RNGTT: variants seen among roughly 807,000 people sequenced by gnomAD.
RNGTT encodes the protein mRNA-capping enzyme.
In RNGTT, 33 loss-of-function variants were observed where a neutral mutation model predicts 79.3. That is an observed-to-expected ratio of 0.42 (90% CI 0.32 to 0.56). The LOEUF is 0.56. Among genes scored for constraint, RNGTT ranks in the 20% least tolerant of loss-of-function variants. RNGTT has a pLI of 0.17. For missense variants in RNGTT, 497 were observed against 739.1 expected (o/e 0.67, Z 3.80); for synonymous variants, 222 against 235.9 (o/e 0.94, Z 0.54).
At chr6:88,762,465 G>C (rs1778301013) in intron 13 of RNGTT, among the ~76,000 whole-genome samples, 1 of 152,198 alleles carries the variant, frequency 6.6e-6, no homozygotes, top group African/African-American at 2.4e-5. Context: ...TGCCATTTCA[G>C]ATGTGCTGTC....
intron 13 of RNGTT, among the ~76,000 whole-genome samples, chr6:88,747,333 C>A (rs932572710): frequency 6.6e-6 from 1 of 152,120 alleles, no homozygotes; most frequent in African/African-American, 2.4e-5. Context: ...ACCACTCATC[C>A]CACATTCTTC....
At chr6:88,699,140 T>C (rs1428081962) in intron 13 of RNGTT, among the ~76,000 whole-genome samples, 1 of 152,190 alleles carries the variant, frequency 6.6e-6, no homozygotes, top group Non-Finnish European at 1.5e-5. Flanking sequence ...ATGATGAACT[T>C]CTGAAGCAGT....
At chr6:88,809,211 C>T (rs920382989) in intron 11 of RNGTT, among the ~76,000 whole-genome samples, 5 of 151,904 alleles carry the variant, frequency 3.3e-5, no homozygotes, top group African/African-American at 1.2e-4. Context: ...TAAATGTATA[C>T]ACACCTTAAA....
chr6:88,622,517 A>T (rs543548214), intron 14 of RNGTT, among the ~76,000 whole-genome samples: 1 of 152,254 alleles, frequency 6.6e-6, no homozygotes, highest in African/African-American at 2.4e-5. Context: ...GCATTGTCTT[A>T]CACATTTAAA....
chr6:88,630,391 G>C (rs2756375), intron 14 of RNGTT, among the ~76,000 whole-genome samples: 8,995 of 152,194 alleles, frequency 0.059, 932 homozygotes, highest in African/African-American at 0.21. Context: ...GAATATTCCA[G>C]GGACCACAGT....
intron 10 of RNGTT, among the ~76,000 whole-genome samples, chr6:88,848,613 A>G (rs1272359749): frequency 7.0e-6 from 1 of 142,470 alleles, no homozygotes; most frequent in Non-Finnish European, 1.5e-5. Context: ...GGTATAGTAC[A>G]ATAACATTTA....
intron 14 of RNGTT, among the ~76,000 whole-genome samples, chr6:88,652,503 A>G (rs1293904484): frequency 6.6e-6 from 1 of 152,124 alleles, no homozygotes; most frequent in Non-Finnish European, 1.5e-5. Flanking sequence ...AGATCCCTCC[A>G]ATCCACACAC....
At chr6:88,832,336 G>A (rs1431234812) in intron 11 of RNGTT, among the ~76,000 whole-genome samples, 1 of 152,146 alleles carries the variant, frequency 6.6e-6, no homozygotes, top group Non-Finnish European at 1.5e-5. Context: ...AACAAGAAAT[G>A]GGGAAAGGAT....
At chr6:88,616,000 C>A (rs1277979365) in intron 14 of RNGTT, among the ~76,000 whole-genome samples, 3 of 152,134 alleles carry the variant, frequency 2.0e-5, no homozygotes, top group African/African-American at 7.2e-5. Flanking sequence ...TAATTGCCCC[C>A]CTTCCCCTCT....
intron 14 of RNGTT, among the ~76,000 whole-genome samples, chr6:88,637,276 A>G (rs1392066312): frequency 6.6e-6 from 1 of 152,124 alleles, no homozygotes; most frequent in Non-Finnish European, 1.5e-5. Flanking sequence ...CTGAAGAAAT[A>G]AATGCCATTC....
chr6:88,716,531 A>G (rs1035769397), intron 13 of RNGTT, among the ~76,000 whole-genome samples: 2 of 152,222 alleles, frequency 1.3e-5, no homozygotes, highest in Admixed American at 1.3e-4. Context: ...TGTTTATTGC[A>G]GCACTATTTA....
chr6:88,675,160 A>G (rs898106674), intron 14 of RNGTT, among the ~76,000 whole-genome samples: 2 of 152,126 alleles, frequency 1.3e-5, no homozygotes, highest in Non-Finnish European at 2.9e-5. Context: ...GTTACAAAAA[A>G]AAACTGAGTG....
chr6:88,678,271 G>A lies in RNGTT; in HGVS notation c.1506+82C>T, dbSNP rs886165814. 3 of 1,539,196 alleles carry A rather than the reference G, an allele frequency of 1.9e-6. No individual in the cohort carries two copies. In the African/African-American group the frequency reaches 4.1e-5, roughly 21 times the overall value. On this transcript the variant is annotated intron_variant, in intron 14 of 15. Transcript: ENST00000369485. ...GTGCTGGAACACGATATTTTTATAT[G>A]TTGATTATTATTAGCAAGGTTTTGA...
intron 8 of RNGTT, among the ~76,000 whole-genome samples, chr6:88,879,590 G>A (rs527488374): frequency 2.4e-4 from 35 of 148,524 alleles, no homozygotes; most frequent in African/African-American, 8.4e-4. Context: ...ATTTTCATGA[G>A]AAAAAAAAAA....
At chr6:88,632,246 G>A (rs1772918786) in intron 14 of RNGTT, among the ~76,000 whole-genome samples, 1 of 152,080 alleles carries the variant, frequency 6.6e-6, no homozygotes, top group African/African-American at 2.4e-5. Flanking sequence ...ACAGACATAA[G>A]CCACCATGCT....
Position 88,774,670 on chromosome 6 carries a change from G to A in RNGTT, c.1339-4796C>T, listed in dbSNP as rs75087068. ...GAAGTTTTGATACGTGCTGCCAAAC[G>A]GATGAACCTCAAAAGCATTATGCTA... On this transcript the variant is annotated intron_variant, in intron 12 of 15. Transcript: ENST00000369485. Among the ~76,000 whole-genome samples, 617 of 152,168 alleles carry A rather than the reference G, an allele frequency of 4.1e-3. 6 individuals carry two copies. Among genetic ancestry groups the A allele is most frequent in the African/African-American group, 0.012 (518 of 41,514 alleles).
chr6:88,872,127 C>T (rs372180362), intron 8 of RNGTT, among the ~76,000 whole-genome samples: 1 of 152,300 alleles, frequency 6.6e-6, no homozygotes, highest in East Asian at 1.9e-4. Context: ...TTGTAAGCCA[C>T]TTCTTTTATG....
At chr6:88,831,310 A>G (rs370297002) in intron 11 of RNGTT, among the ~76,000 whole-genome samples, 4 of 152,250 alleles carry the variant, frequency 2.6e-5, no homozygotes, top group African/African-American at 4.8e-5. Flanking sequence ...AATGTAATCC[A>G]TCACATAAAC....
intron 1 of RNGTT, among the ~76,000 whole-genome samples, chr6:88,951,451 G>A (rs1785245558): frequency 6.6e-6 from 1 of 152,170 alleles, no homozygotes. Flanking sequence ...ATGCTACAGA[G>A]AAATCTTTCA....
Sources: gnomAD v4.1 joint callset for allele counts (sites outside exome capture counted in the v4.1 genomes callset) on GRCh38, gnomAD v4.1.1 for gene constraint, MANE v1.5 for transcripts, NCBI Gene and HGNC (gene_info 2026-07-23, HGNC 2026-07-21) for gene names.